The following RGS22 variants were observed in gnomAD, a reference collection of about 807,000 sequenced individuals.
The protein encoded by RGS22 is regulator of G protein signaling 22, also known as regulator of G-protein signaling 22.
Under a neutral mutation model 172.9 loss-of-function variants are expected in RGS22, and 148 were observed. That is an observed-to-expected ratio of 0.86 (90% CI 0.75 to 0.98). RGS22 has a LOEUF of 0.98. RGS22 is among the 50% of genes least tolerant of loss of function. The pLI is 0.00. For synonymous variants in RGS22, 458 were observed against 480.2 expected (o/e 0.95, Z 0.60); for missense variants, 1,347 against 1,440.8 (o/e 0.93, Z 1.05).
At chr8:100,100,816 T>C (rs977329018) in intron 2 of RGS22, among the ~76,000 whole-genome samples, 8 of 152,172 alleles carry the variant, frequency 5.3e-5, no homozygotes, top group African/African-American at 1.9e-4. Flanking sequence ...ACAACTAAAA[T>C]ACAAGTAAAT....
chr8:99,997,853 A>T (rs1814557082), intron 19 of RGS22, among the ~76,000 whole-genome samples: 1 of 152,162 alleles, frequency 6.6e-6, no homozygotes, highest in Admixed American at 6.6e-5. Flanking sequence ...CACTCCCCAA[A>T]CCCATTCCCA....
chr8:100,062,346 A>G (rs565317937), intron 9 of RGS22, among the ~76,000 whole-genome samples: 105 of 144,842 alleles, frequency 7.2e-4, no homozygotes, highest in African/African-American at 2.4e-3. Flanking sequence ...AATTCTGCTG[A>G]AAAAAAAAAA....
At chr8:99,965,757 C>T (rs891125517) in intron 23 of RGS22, among the ~76,000 whole-genome samples, 3 of 152,102 alleles carry the variant, frequency 2.0e-5, no homozygotes, top group African/African-American at 7.2e-5. Flanking sequence ...AGGGAAAATG[C>T]ATAGATTCAC....
At chr8:100,088,580 G>A (rs907188717) in intron 3 of RGS22, among the ~76,000 whole-genome samples, 3 of 152,036 alleles carry the variant, frequency 2.0e-5, no homozygotes, top group African/African-American at 4.8e-5. Flanking sequence ...AAGAACAAAC[G>A]GAATGAAGTT....
chr8:100,078,382 G>T (rs931824479), intron 4 of RGS22, among the ~76,000 whole-genome samples: 1 of 150,950 alleles, frequency 6.6e-6, no homozygotes, highest in African/African-American at 2.4e-5. Flanking sequence ...GGAATCAAAC[G>T]AATGAGACAT....
intron 14 of RGS22, among the ~76,000 whole-genome samples, chr8:100,024,644 C>G (rs1817977023): frequency 6.6e-6 from 1 of 152,194 alleles, no homozygotes; most frequent in Admixed American, 6.5e-5. Flanking sequence ...AAAGATTAAA[C>G]AAGGTGATAA....
intron 10 of RGS22, 133 bp from the exon 11 acceptor site, chr8:100,047,729 A>G (rs1820877050): frequency 1.3e-6 from 1 of 747,794 alleles, no homozygotes. Context: ...TTCCCAATAA[A>G]ATAGAAATTT....
At chr8:99,961,940 T>C (rs1329708507) in intron 27 of RGS22, among the ~76,000 whole-genome samples, 1 of 152,196 alleles carries the variant, frequency 6.6e-6, no homozygotes, top group Non-Finnish European at 1.5e-5. Flanking sequence ...GGTCAATGAA[T>C]TACACATTAT....
At chr8:100,035,685 A>G (rs1291568552) in intron 14 of RGS22, among the ~76,000 whole-genome samples, 1 of 152,210 alleles carries the variant, frequency 6.6e-6, no homozygotes, top group Non-Finnish European at 1.5e-5. Context: ...ACTATTCACA[A>G]TAGCAAAAAC....
intron 12 of RGS22, among the ~76,000 whole-genome samples, 194 bp from the exon 13 acceptor site, chr8:100,040,281 C>T (rs1339175253): frequency 6.6e-6 from 1 of 152,174 alleles, no homozygotes; most frequent in Non-Finnish European, 1.5e-5. Context: ...TGGAGCCCAA[C>T]TATAGCCACA....
intron 23 of RGS22, among the ~76,000 whole-genome samples, chr8:99,974,857 A>T (rs1164165558): frequency 6.7e-6 from 1 of 150,102 alleles, no homozygotes; most frequent in Non-Finnish European, 1.5e-5. Context: ...CATTAAAAAA[A>T]GTCTTAAAGG....
At chr8:99,986,362 T>C (rs1450455146) in intron 21 of RGS22, among the ~76,000 whole-genome samples, 1 of 152,230 alleles carries the variant, frequency 6.6e-6, no homozygotes, top group East Asian at 1.9e-4. Context: ...GAGCAACTAC[T>C]AACTGTATGT....
At chr8:100,041,958 C>T (rs1417368685) in intron 11 of RGS22, 42 bp from the exon 12 acceptor site, 2 of 1,303,826 alleles carry the variant, frequency 1.5e-6, no homozygotes, top group African/African-American at 2.9e-5. Flanking sequence ...AGAATGAGAA[C>T]TAACTGATCA....
At chr8:100,001,233 T>TATATATACATATATATATAC in intron 18 of RGS22, among the ~76,000 whole-genome samples, 1 of 126,692 alleles carries the variant, frequency 7.9e-6, no homozygotes, top group Non-Finnish European at 1.7e-5. Context: ...TATATATATA[T>TATATATACATATATATATAC]ACATTTTTTT....
intron 9 of RGS22, 149 bp from the exon 10 acceptor site, chr8:100,053,125 G>T: frequency 2.9e-6 from 2 of 693,528 alleles, no homozygotes; most frequent in Non-Finnish European, 4.7e-6. Flanking sequence ...CTACTACATA[G>T]CCTTGAAAAA....
intron 10 of RGS22, among the ~76,000 whole-genome samples, chr8:100,052,121 T>A (rs1442610972): frequency 5.6e-5 from 2 of 35,414 alleles, no homozygotes; most frequent in Non-Finnish European, 9.5e-5. Context: ...TTATATATAT[T>A]TATATATAAA....
In RGS22 at chr8:100,060,641, A is replaced by C. The variant is rs571486583; in HGVS notation, c.1514+1950T>G. The stretch of plus-strand genomic sequence containing the variant: ...GTGAAAATTTTCTACAAGGAGAACT[A>C]CAAAACATTGCTCAAAGAAATCAGA... On this transcript the variant is annotated intron_variant, in intron 9 of 27. Coordinates refer to ENST00000360863, the MANE Select transcript of RGS22 (RefSeq NM_015668.5). Among the ~76,000 whole-genome samples, 3 of 151,990 alleles carry C rather than the reference A, an allele frequency of 2.0e-5. No individual in the cohort carries two copies. In the South Asian group the frequency reaches 6.2e-4, roughly 32 times the overall value.
chr8:99,999,549 T>C lies in RGS22; in HGVS notation c.2791-129A>G, dbSNP rs184706523. On this transcript the variant is annotated intron_variant, in intron 18 of 27. Coordinates refer to ENST00000360863, the MANE Select transcript of RGS22 (RefSeq NM_015668.5). ...GGGGTGCCAATTTTCATTTTCTGTATAACATCTCCTGGCTATACTGAGCAA... is the reference window on the plus strand; with the variant it reads ...GGGGTGCCAATTTTCATTTTCTGTACAACATCTCCTGGCTATACTGAGCAA... 1.2e-4 allele frequency: 101 copies of C among 817,734 alleles called. No homozygotes were observed. In the East Asian group the frequency reaches 1.8e-3, roughly 14 times the overall value. The allele number at this position is 817,734 out of a possible 1,614,324, so 50.7% of individuals were successfully genotyped here. A position where few individuals can be genotyped will look rare whatever the true frequency, so the allele number is the denominator to read the frequency against.
At chr8:100,023,735 G>A (rs1043723659) in intron 14 of RGS22, among the ~76,000 whole-genome samples, 3 of 152,082 alleles carry the variant, frequency 2.0e-5, no homozygotes, top group Admixed American at 6.5e-5. Context: ...TGCCTGGCCT[G>A]GAAAATTCTT....
Sources: gnomAD v4.1 joint callset for allele counts (sites outside exome capture counted in the v4.1 genomes callset) on GRCh38, gnomAD v4.1.1 for gene constraint, MANE v1.5 for transcripts, NCBI Gene and HGNC (gene_info 2026-07-23, HGNC 2026-07-21) for gene names.